GMPS: variants seen among roughly 807,000 people sequenced by gnomAD.
GMPS encodes GMP synthase [glutamine-hydrolyzing].
In GMPS, 15 loss-of-function variants were observed where a neutral mutation model predicts 77.9. The observed-to-expected ratio is 0.19, with a 90% CI of 0.13 to 0.30. The LOEUF is 0.30. GMPS is among the 10% of genes least tolerant of loss of function. The probability of loss-of-function intolerance (pLI) is 1.00; values close to 1 mark genes in which losing one functional copy is unlikely to be tolerated. For synonymous variants in GMPS, 224 were observed against 275.9 expected, an observed-to-expected ratio of 0.81 and a Z score of 1.86; for missense variants, 590 against 838.8, an observed-to-expected ratio of 0.70 and a Z score of 3.66.
intron 2 of GMPS, among the ~76,000 whole-genome samples, chr3:155,894,349 G>A (rs949530429): frequency 6.6e-6 from 1 of 151,868 alleles, no homozygotes; most frequent in Non-Finnish European, 1.5e-5. Context: ...TCAGCCTCTC[G>A]AGTAGCTGGA....
chr3:155,871,520 C>T (rs1255706163), intron 1 of GMPS, among the ~76,000 whole-genome samples: 1 of 152,234 alleles, frequency 6.6e-6, no homozygotes, highest in Non-Finnish European at 1.5e-5. Context: ...CTTCCCCCTC[C>T]CCCAACGCCC....
At chr3:155,932,836 A>T (rs1755660483) in intron 13 of GMPS, among the ~76,000 whole-genome samples, 1 of 152,224 alleles carries the variant, frequency 6.6e-6, no homozygotes, top group South Asian at 2.1e-4. Flanking sequence ...TACTCAAATG[A>T]ACTGAAAACC....
rs759277546 is a variant in GMPS, at chr3:155,910,732, C to T, written c.567C>T (p.Phe189=). ...CTAAAAAGTTATATGGAGCACAGTTCCACCCTGAAGTTGGCCTTACAGAAA... is the reference window on the plus strand; with the variant it reads ...CTAAAAAGTTATATGGAGCACAGTTTCACCCTGAAGTTGGCCTTACAGAAA... ...NESKKLYGAQ[F]HPEVGLTENG... Residue 189 remains phenylalanine, a synonymous_variant, in exon 6 of 16, where the codon TTC becomes TTT. Transcript: ENST00000496455. 1.2e-6 allele frequency: 2 copies of T among 1,607,178 alleles called. No homozygotes were observed. Among genetic ancestry groups the T allele is most frequent in the South Asian group, 2.2e-5 (2 of 89,862 alleles).
chr3:155,888,573 A>G (rs1439459845), intron 1 of GMPS, among the ~76,000 whole-genome samples: 1 of 146,700 alleles, frequency 6.8e-6, no homozygotes, highest in Non-Finnish European at 1.5e-5. Flanking sequence ...AGGCACGTGC[A>G]CCCACTCCCA....
In GMPS at chr3:155,910,836, T is replaced by A. The variant is rs770021327; in HGVS notation, c.671T>A (p.Leu224His). The change falls in exon 6 of 16, where the codon CTT becomes CAT. Residue 224 changes from leucine (L) to histidine (H), a missense_variant. By Grantham distance (99) the Leu-to-His change is moderately conservative. Coordinates refer to ENST00000496455, the MANE Select transcript of GMPS (RefSeq NM_003875.3). Reference sequence around the variant, plus strand: ...ACCTTCACCGTGCAGAACAGAGAACTTGAGTGTATTCGAGAGATCAAAGAG... The same window carrying A: ...ACCTTCACCGTGCAGAACAGAGAACATGAGTGTATTCGAGAGATCAAAGAG... ...SGTFTVQNRELECIREIKERV... is the reference protein window; with the variant it reads ...SGTFTVQNREHECIREIKERV... The A allele has an allele frequency of 6.2e-7, 1 of 1,608,712 alleles. No individual in the cohort carries two copies. Among genetic ancestry groups the A allele is most frequent in the South Asian group, 1.1e-5 (1 of 89,548 alleles).
At chr3:155,935,181 T>C (rs749854041) in intron 14 of GMPS, 135 bp downstream of exon 14, 15 of 705,496 alleles carry the variant, frequency 2.1e-5, no homozygotes, top group Non-Finnish European at 2.2e-5. Flanking sequence ...TGTTCTATGA[T>C]GTTGCTTTTT....
chr3:155,935,157 T>C, intron 14 of GMPS, 111 bp downstream of exon 14: 3 of 760,694 alleles, frequency 3.9e-6, no homozygotes, highest in East Asian at 2.4e-5. Flanking sequence ...GTTTTTATTA[T>C]TTAAATCTTT....
rs753283264 is a variant in GMPS at position 155,910,932 on chromosome 3, T to C, written c.720+47T>C. ...AGTCTACAAATTTATATCAATAATA[T>C]TGGAATCCAGGAGTTAGAGTCCTCA... is the stretch of plus-strand genomic sequence containing the variant. On this transcript the variant is annotated intron_variant, in intron 6 of 15. Coordinates refer to ENST00000496455, the MANE Select transcript of GMPS (RefSeq NM_003875.3). 5.2e-6 allele frequency: 7 copies of C among 1,350,304 alleles called. 1 individual carries two copies. In the South Asian group the frequency reaches 5.5e-5, roughly 11 times the overall value. The allele number at this position is 1,350,304 out of a possible 1,614,324, so 83.6% of individuals were successfully genotyped here.
At chr3:155,894,281 C>T (rs1296400944) in intron 2 of GMPS, among the ~76,000 whole-genome samples, 7 of 152,048 alleles carry the variant, frequency 4.6e-5, no homozygotes, top group South Asian at 2.1e-4. Context: ...TGAAGTGCAG[C>T]GGCACGATTT....
chr3:155,923,456 A>T (rs575528249), intron 11 of GMPS, among the ~76,000 whole-genome samples: 3 of 152,268 alleles, frequency 2.0e-5, no homozygotes, highest in East Asian at 3.9e-4. Context: ...CATCTCAAGC[A>T]GAATAAAGGG....
At chr3:155,926,955 G>A (rs977285164) in intron 12 of GMPS, among the ~76,000 whole-genome samples, 12 of 151,922 alleles carry the variant, frequency 7.9e-5, no homozygotes, top group East Asian at 7.7e-4. Context: ...CGGAGGTTGC[G>A]GTGGGCCAAG....
At position 155,893,717 on chromosome 3, in the gene GMPS, CTT is replaced by C. The variant is rs1344971821; in HGVS notation, c.209+21_209+22del. ...GGATTCCGGTAGACTTTTCACTAATCTTTTCATGAGGAGATTGAACTTAGATT... is the reference window on the plus strand; with the variant it reads ...GGATTCCGGTAGACTTTTCACTAATCTTCATGAGGAGATTGAACTTAGATT... On this transcript the variant is annotated intron_variant, in intron 2 of 15. Transcript: ENST00000496455. The C allele has an allele frequency of 2.2e-5, 32 of 1,450,636 alleles. No homozygotes were observed. The highest frequency in any genetic ancestry group is 2.9e-5 in the Non-Finnish European group (30 of 1,048,218). 89.9% of individuals were successfully genotyped at this position (1,450,636 alleles called of 1,614,324 possible).
At chr3:155,913,385 A>G (rs1211009822) in intron 7 of GMPS, among the ~76,000 whole-genome samples, 1 of 152,198 alleles carries the variant, frequency 6.6e-6, no homozygotes, top group Non-Finnish European at 1.5e-5. Flanking sequence ...GTTTTACAAG[A>G]CACTAGGGTG....
intron 1 of GMPS, among the ~76,000 whole-genome samples, chr3:155,873,575 TTTAAA>T (rs1753952228): frequency 6.6e-6 from 1 of 151,668 alleles, no homozygotes; most frequent in African/African-American, 2.4e-5. Context: ...ATTTTATTTA[TTTAAA>T]TTTTTTATTT....
rs772110293 is a variant in GMPS at position 155,934,984 on chromosome 3, CAG to C, written c.1746_1747del (p.Val584AlafsTer8). 6.3e-7 allele frequency: 1 copy of C among 1,594,240 alleles called. No homozygotes were observed. Among genetic ancestry groups the C allele is most frequent in the Admixed American group, 1.7e-5 (1 of 59,988 alleles). ...GATGTTACTCCCACTTTCTTGACAACAGGGGTGCTCAGTACTTTACGCCAAGC... is the reference window on the plus strand; with the variant it reads ...GATGTTACTCCCACTTTCTTGACAACGGGTGCTCAGTACTTTACGCCAAGC... On this transcript the variant is annotated frameshift_variant, in exon 14 of 16. Transcript: ENST00000496455. LOFTEE classifies it high-confidence loss of function.
chr3:155,930,396 C>T (rs1271366947), intron 12 of GMPS, among the ~76,000 whole-genome samples: 1 of 144,132 alleles, frequency 6.9e-6, no homozygotes, highest in Non-Finnish European at 1.5e-5. Flanking sequence ...AGACCTAAAA[C>T]CATAAAAACC....
At chr3:155,896,757 A>G (rs1754615455) in intron 2 of GMPS, among the ~76,000 whole-genome samples, 2 of 139,982 alleles carry the variant, frequency 1.4e-5, no homozygotes, top group South Asian at 2.3e-4. Context: ...TTTTTTATAA[A>G]TTTGACTTAT....
intron 1 of GMPS, among the ~76,000 whole-genome samples, chr3:155,891,547 C>A (rs2108070561): frequency 6.6e-6 from 1 of 151,674 alleles, no homozygotes; most frequent in Admixed American, 6.6e-5. Flanking sequence ...TTTCTTCTGG[C>A]ACCGGATTGG....
intron 12 of GMPS, among the ~76,000 whole-genome samples, chr3:155,930,471 C>T (rs1448601549): frequency 2.7e-5 from 4 of 149,442 alleles, no homozygotes; most frequent in Non-Finnish European, 5.9e-5. Flanking sequence ...ATGTCCAAAA[C>T]ACCAAAAGCA....
Sources: allele counts gnomAD v4.1 joint callset (sites outside exome capture counted in the v4.1 genomes callset), GRCh38; gene constraint gnomAD v4.1.1; transcripts MANE v1.5; gene names NCBI Gene and HGNC (gene_info 2026-07-23, HGNC 2026-07-21).